PSMA1: variants seen among roughly 807,000 people sequenced by gnomAD.
PSMA1 encodes proteasome 20S subunit alpha 1.
In PSMA1, 3 loss-of-function variants were observed where a neutral mutation model predicts 38.4. The ratio of observed to expected loss-of-function variants is 0.08; its 90% CI spans 0.04 to 0.20. PSMA1 has a LOEUF of 0.20. PSMA1 is among the 10% of genes least tolerant of loss of function. The pLI is 1.00. For missense variants in PSMA1, 227 were observed against 325.3 expected (o/e 0.70, Z 2.32); for synonymous variants, 101 against 107.1 (o/e 0.94, Z 0.35).
chr11:14,536,822 A>G (rs1374728297), intron 2 of PSMA1, among the ~76,000 whole-genome samples: 4 of 151,992 alleles, frequency 2.6e-5, no homozygotes, highest in Non-Finnish European at 4.4e-5. Flanking sequence ...TCACTGTGTT[A>G]GCCAGGATGG....
intron 1 of PSMA1, among the ~76,000 whole-genome samples, chr11:14,623,079 G>A (rs1852868784): frequency 6.6e-6 from 1 of 152,144 alleles, no homozygotes; most frequent in Admixed American, 6.5e-5. Flanking sequence ...GGCTGTATAG[G>A]TCCAGCAGTA....
intron 1 of PSMA1, among the ~76,000 whole-genome samples, chr11:14,632,209 A>T (rs1443626739): frequency 2.1e-5 from 3 of 146,332 alleles, no homozygotes; most frequent in Non-Finnish European, 3.0e-5. Flanking sequence ...TCCTGTCATT[A>T]TTATGTTAGC....
intron 2 of PSMA1, among the ~76,000 whole-genome samples, chr11:14,600,675 A>C (rs1231128115): frequency 6.6e-6 from 1 of 152,188 alleles, no homozygotes; most frequent in Non-Finnish European, 1.5e-5. Context: ...GGAAAGGGAA[A>C]TCCCCTGACC....
chr11:14,540,978 T>C (rs982685059), intron 2 of PSMA1, among the ~76,000 whole-genome samples: 2 of 152,086 alleles, frequency 1.3e-5, no homozygotes, highest in Non-Finnish European at 1.5e-5. Context: ...TTCGGAGATA[T>C]ATCTAATGTA....
Position 14,604,072 on chromosome 11 carries a change from T to C in PSMA1, c.21+6894A>G, listed in dbSNP as rs146960227. 6.2e-4 allele frequency among the ~76,000 whole-genome samples: 95 copies of C among 152,328 alleles called. No homozygotes were observed. In the East Asian group the frequency reaches 0.017, roughly 28 times the overall value. On this transcript the variant is annotated intron_variant, in intron 2 of 10. Transcript: ENST00000418988. ...ATACATTTCTTCTAACTACTAAATG[T>C]CCTTTCCAGTAAGCTGAGAGAGGTA...
At chr11:14,524,501 C>T (rs1170682970), upstream of PSMA1, among the ~76,000 whole-genome samples, 1 of 152,068 alleles carries the variant, frequency 6.6e-6, no homozygotes, top group Non-Finnish European at 1.5e-5. Context: ...TTGTGAGATC[C>T]ACCCCCTGCC....
intron 2 of PSMA1, among the ~76,000 whole-genome samples, chr11:14,566,554 G>A (rs1266589876): frequency 6.6e-6 from 1 of 152,134 alleles, no homozygotes; most frequent in East Asian, 1.9e-4. Flanking sequence ...CTTACCTAGG[G>A]GCAGCTGATC....
rs545710554 is a variant in PSMA1 at position 14,610,878 on chromosome 11, C to T, written c.21+88G>A. ...TAGAGATGCGTTTTTCTCACATGCT[C>T]CTCTAGGTTTTGTTTTGTGGGGGCT... On this transcript the variant is annotated intron_variant, in intron 2 of 10. Transcript: ENST00000418988. The T allele has an allele frequency of 2.6e-5, 36 of 1,370,546 alleles. No individual in the cohort carries two copies. The South Asian group carries it at 2.9e-4, about 11-fold the overall frequency. The allele number at this position is 1,370,546 out of a possible 1,614,324, so 84.9% of individuals were successfully genotyped here. A position where few individuals can be genotyped will look rare whatever the true frequency, so the allele number is the denominator to read the frequency against.
At chr11:14,625,696 G>A (rs918062879) in intron 1 of PSMA1, among the ~76,000 whole-genome samples, 3 of 152,182 alleles carry the variant, frequency 2.0e-5, no homozygotes, top group African/African-American at 7.2e-5. Context: ...TGATGCTGTA[G>A]TATAAGGCTC....
chr11:14,558,902 A>G (rs1471239814), intron 2 of PSMA1, among the ~76,000 whole-genome samples: 1 of 152,218 alleles, frequency 6.6e-6, no homozygotes, highest in Non-Finnish European at 1.5e-5. Context: ...TCCTACACAA[A>G]GAGAATGCTG....
chr11:14,570,946 G>A (rs955572272), intron 2 of PSMA1, among the ~76,000 whole-genome samples: 2 of 152,208 alleles, frequency 1.3e-5, no homozygotes, highest in Non-Finnish European at 2.9e-5. Context: ...GTTAAGGGCA[G>A]CAAGAGAGAA....
chr11:14,590,803 C>T (rs1019025548), intron 2 of PSMA1, among the ~76,000 whole-genome samples: 3 of 152,216 alleles, frequency 2.0e-5, no homozygotes. Context: ...ATGACCGGGA[C>T]GAGGCCATAC....
upstream of PSMA1, among the ~76,000 whole-genome samples, chr11:14,521,229 C>T (rs536867469): frequency 7.1e-5 from 10 of 141,734 alleles, no homozygotes; most frequent in African/African-American, 2.6e-4. Context: ...AGGCCGAGGG[C>T]GGAGGATCGC....
upstream of PSMA1, chr11:14,520,499 GGC>G: frequency 6.9e-7 from 1 of 1,441,288 alleles, no homozygotes; most frequent in South Asian, 1.4e-5. Flanking sequence ...CTCGGCGGCG[GGC>G]GGAGCCTCGG....
chr11:14,572,022 T>G (rs898295823), intron 2 of PSMA1, among the ~76,000 whole-genome samples: 1 of 152,144 alleles, frequency 6.6e-6, no homozygotes, highest in African/African-American at 2.4e-5. Flanking sequence ...AGCAAGTCCT[T>G]AGAGACCTAC....
At chr11:14,514,622 T>C in intron 4 of PSMA1, 131 bp from the exon 5 acceptor site, 1 of 700,296 alleles carries the variant, frequency 1.4e-6, no homozygotes, top group Non-Finnish European at 2.2e-6. Context: ...AAACAGAAGG[T>C]AAGAAAGACA....
intron 2 of PSMA1, among the ~76,000 whole-genome samples, chr11:14,558,876 C>T (rs1403664587): frequency 6.6e-6 from 1 of 152,156 alleles, no homozygotes; most frequent in Non-Finnish European, 1.5e-5. Flanking sequence ...TGGGCCTTTA[C>T]AAAACTTGGA....
intron 2 of PSMA1, among the ~76,000 whole-genome samples, chr11:14,540,659 A>G (rs762464949): frequency 2.6e-5 from 4 of 152,270 alleles, no homozygotes; most frequent in Non-Finnish European, 4.4e-5. Flanking sequence ...GGAGTTAAAC[A>G]TCAACTTTTC....
chr11:14,588,617 T>A (rs929719194), intron 2 of PSMA1, among the ~76,000 whole-genome samples: 3 of 152,316 alleles, frequency 2.0e-5, no homozygotes, highest in Middle Eastern at 3.4e-3. Flanking sequence ...GACAAGAGTG[T>A]TCATTAAAAT....
Sources: gnomAD v4.1 joint callset for allele counts (sites outside exome capture counted in the v4.1 genomes callset) on GRCh38, gnomAD v4.1.1 for gene constraint, MANE v1.5 for transcripts, NCBI Gene and HGNC (gene_info 2026-07-23, HGNC 2026-07-21) for gene names.